Variants in CTNNA2 observed in about 807,000 individuals in gnomAD.
CTNNA2 encodes the protein catenin alpha 2, also known as catenin alpha-2.
In CTNNA2, 42 loss-of-function variants were observed where a neutral mutation model predicts 101.0. That is an observed-to-expected ratio of 0.42 (90% CI 0.32 to 0.54). CTNNA2 has a LOEUF of 0.54. Among genes scored for constraint, CTNNA2 ranks in the 20% least tolerant of loss-of-function variants. CTNNA2 has a pLI of 0.14. For missense variants in CTNNA2, 871 were observed against 1,223.1 expected (o/e 0.71, Z 4.29); for synonymous variants, 450 against 456.4 (o/e 0.99, Z 0.18).
intron 7 of CTNNA2, among the ~76,000 whole-genome samples, chr2:79,967,552 T>G (rs1171953812): frequency 6.6e-6 from 1 of 152,218 alleles, no homozygotes; most frequent in Non-Finnish European, 1.5e-5. Flanking sequence ...ACATCCCATT[T>G]TTCTGTTTGA....
At chr2:80,392,561 T>C (rs756262346) in intron 7 of CTNNA2, among the ~76,000 whole-genome samples, 32 of 152,112 alleles carry the variant, frequency 2.1e-4, no homozygotes, top group Non-Finnish European at 4.1e-4. Flanking sequence ...AGTGAACAAT[T>C]TATTAAAGAA....
In CTNNA2 at chr2:80,135,372, G is replaced by C. The variant is rs539408885; in HGVS notation, c.1056+225575G>C. 5.9e-5 allele frequency among the ~76,000 whole-genome samples: 9 copies of C among 152,312 alleles called. No individual in the cohort carries two copies. The South Asian group carries it at 1.9e-3, about 32-fold the overall frequency. On this transcript the variant is annotated intron_variant, in intron 7 of 18. Coordinates refer to ENST00000402739, the MANE Select transcript of CTNNA2 (RefSeq NM_001282597.3). Reference sequence around the variant, plus strand: ...GGGAGCAATCTAGAGACAAAGGAAGGAGGGCTCTGGACAGGAGATACAGCC... The same window carrying C: ...GGGAGCAATCTAGAGACAAAGGAAGCAGGGCTCTGGACAGGAGATACAGCC...
At chr2:79,490,535 C>A (rs7581022) in intron 4 of CTNNA2, among the ~76,000 whole-genome samples, 1,645 of 152,220 alleles carry the variant, frequency 0.011, 21 homozygotes, top group African/African-American at 0.037. Context: ...CTCTCACTCC[C>A]AGTAATTTCT....
chr2:79,326,140 G>A lies in CTNNA2; in HGVS notation c.-318+13344G>A, dbSNP rs78031892. On this transcript the variant is annotated intron_variant, in intron 3 of 21. Coordinates refer to the CTNNA2 transcript ENST00000466387. The stretch of plus-strand genomic sequence containing the variant: ...ATTCATCACTTATTGAGCATGTATT[G>A]AGCATGATTTTACCTTAGTGGACTA... 2.6e-3 allele frequency among the ~76,000 whole-genome samples: 395 copies of A among 152,192 alleles called. 9 individuals carry two copies. The East Asian group carries it at 0.063, about 24-fold the overall frequency.
intron 2 of CTNNA2, among the ~76,000 whole-genome samples, chr2:79,268,811 G>A (rs1484170968): frequency 6.6e-6 from 1 of 152,218 alleles, no homozygotes; most frequent in South Asian, 2.1e-4. Context: ...TGACAACAGA[G>A]GAGAAACTGT....
At chr2:80,532,701 C>T (rs894157246) in intron 9 of CTNNA2, among the ~76,000 whole-genome samples, 1 of 151,978 alleles carries the variant, frequency 6.6e-6, no homozygotes, top group African/African-American at 2.4e-5. Context: ...GAAGGTATTT[C>T]CCATGGATTA....
chr2:79,611,541 C>A (rs1678273438), intron 1 of CTNNA2, among the ~76,000 whole-genome samples: 2 of 152,166 alleles, frequency 1.3e-5, no homozygotes, highest in Admixed American at 1.3e-4. Flanking sequence ...AGTGCTTCTA[C>A]AGTGAACGTA....
chr2:79,685,025 A>G (rs1414352778), intron 2 of CTNNA2, among the ~76,000 whole-genome samples: 1 of 152,050 alleles, frequency 6.6e-6, no homozygotes, highest in Non-Finnish European at 1.5e-5. Context: ...CAAGTTTTCA[A>G]CCTTAGAGTG....
At chr2:80,323,841 T>C (rs1022283584) in intron 7 of CTNNA2, among the ~76,000 whole-genome samples, 2 of 152,116 alleles carry the variant, frequency 1.3e-5, no homozygotes, top group African/African-American at 4.8e-5. Flanking sequence ...AGCAGGATAT[T>C]CCACCCTAAC....
At chr2:80,136,173 AAATGACTGTTCTTGATGCAT>A (rs1224804790) in intron 7 of CTNNA2, among the ~76,000 whole-genome samples, 2 of 152,168 alleles carry the variant, frequency 1.3e-5, no homozygotes, top group African/African-American at 4.8e-5. Context: ...GGACGTTAAT[AAATGACTGTTCTTGATGCAT>A]AATGACTGTT....
intron 7 of CTNNA2, among the ~76,000 whole-genome samples, chr2:80,057,678 C>T (rs1340698634): frequency 6.6e-6 from 1 of 152,122 alleles, no homozygotes; most frequent in Non-Finnish European, 1.5e-5. Context: ...TTTCTTTTGT[C>T]CCTTGATCAT....
At chr2:79,568,957 C>A (rs1675295630) in intron 1 of CTNNA2, among the ~76,000 whole-genome samples, 1 of 151,108 alleles carries the variant, frequency 6.6e-6, no homozygotes, top group South Asian at 2.1e-4. Context: ...TTGCTTCAGC[C>A]CAGGAAGTAA....
At chr2:80,410,626 G>C (rs1679482344) in intron 8 of CTNNA2, among the ~76,000 whole-genome samples, 1 of 152,126 alleles carries the variant, frequency 6.6e-6, no homozygotes, top group South Asian at 2.1e-4. Context: ...ATGCCTTTCA[G>C]CTTGTAGGCA....
intron 18 of CTNNA2, among the ~76,000 whole-genome samples, chr2:80,638,917 C>T (rs1265296197): frequency 6.6e-6 from 1 of 152,208 alleles, no homozygotes; most frequent in African/African-American, 2.4e-5. Context: ...TGACAGCCTG[C>T]AGTGCCTTCC....
At chr2:80,122,180 TTCTC>T (rs1354221129) in intron 7 of CTNNA2, among the ~76,000 whole-genome samples, 15 of 151,340 alleles carry the variant, frequency 9.9e-5, no homozygotes, top group Admixed American at 2.0e-4. Context: ...CTCTCTCTAC[TTCTC>T]TCTCTCTCTC....
chr2:79,701,985 G>A (rs945347423), intron 2 of CTNNA2, among the ~76,000 whole-genome samples: 14 of 129,638 alleles, frequency 1.1e-4, no homozygotes, highest in African/African-American at 1.8e-4. Flanking sequence ...CTGGGAGAGC[G>A]AGACTCTGTC....
intron 2 of CTNNA2, among the ~76,000 whole-genome samples, chr2:79,299,209 C>T (rs1479881787): frequency 1.3e-5 from 2 of 152,088 alleles, no homozygotes; most frequent in Admixed American, 6.5e-5. Flanking sequence ...GATGGCCTGT[C>T]CTGACAGCCC....
At chr2:80,088,091 T>C (rs904659821) in intron 7 of CTNNA2, among the ~76,000 whole-genome samples, 12 of 152,034 alleles carry the variant, frequency 7.9e-5, no homozygotes, top group East Asian at 3.9e-4. Context: ...ACAAGAAACA[T>C]TGAACCTCAG....
intron 9 of CTNNA2, 24 bp from the exon 10 acceptor site, chr2:80,544,958 T>G: frequency 2.5e-6 from 4 of 1,605,212 alleles, no homozygotes; most frequent in Non-Finnish European, 3.4e-6. Flanking sequence ...AACCTAATAT[T>G]CACTAAAATC....
Sources: gnomAD v4.1 joint callset for allele counts (sites outside exome capture counted in the v4.1 genomes callset) on GRCh38, gnomAD v4.1.1 for gene constraint, MANE v1.5 for transcripts, NCBI Gene and HGNC (gene_info 2026-07-23, HGNC 2026-07-21) for gene names.